CCNT2: variants seen among roughly 807,000 people sequenced by gnomAD.
CCNT2 encodes the protein cyclin-T2.
CCNT2 carries 18 observed loss-of-function variants against 70.0 expected under a neutral mutation model. The ratio of observed to expected loss-of-function variants is 0.26; its 90% confidence interval spans 0.18 to 0.38. The LOEUF (loss-of-function observed/expected upper bound fraction) is 0.38. Among genes scored for constraint, CCNT2 ranks in the 10% least tolerant of loss-of-function variants. The pLI is 1.00. For missense variants in CCNT2, 734 were observed against 890.2 expected (o/e 0.82, Z 2.23); for synonymous variants, 334 against 313.3 (o/e 1.07, Z -0.70).
chr2:134,937,045 A>G, intron 3 of CCNT2, 76 bp downstream of exon 3: 1 of 1,038,960 alleles, frequency 9.6e-7, no homozygotes, highest in South Asian at 1.5e-5. Flanking sequence ...ACAAAAATAC[A>G]CAGTTCAATT....
chr2:134,953,628 A>G lies in CCNT2; in HGVS notation c.1173A>G (p.Ser391=), dbSNP rs746755858. 6.2e-7 allele frequency: 1 copy of G among 1,614,170 alleles called. No individual in the cohort carries two copies. The highest frequency in any genetic ancestry group is 1.1e-5 in the South Asian group (1 of 91,082). Residue 391 remains serine (S), a synonymous_variant, in exon 9 of 9, where the codon TCA becomes TCG. Transcript: ENST00000264157. ...AGGGACCTTCTATATCACTGCATTCAGGATTACATCACAGACCTGACAAAA... is the reference window on the plus strand; with the variant it reads ...AGGGACCTTCTATATCACTGCATTCGGGATTACATCACAGACCTGACAAAA... ...FQQGPSISLH[S]GLHHRPDKIS...
Position 134,953,505 on chromosome 2 carries a change from A to G in CCNT2, c.1050A>G (p.Glu350=), listed in dbSNP as rs749449311. 4 of 1,614,086 alleles carry G rather than the reference A, an allele frequency of 2.5e-6. No homozygotes were observed. The highest frequency in any genetic ancestry group is 1.1e-5 in the South Asian group (1 of 91,090). ...CATACGGTTTATCATCACACCAGGA[A>G]TGGCCTCAACATCAAGACTCAGCAA... ...STSYGLSSHQ[E]WPQHQDSART... is the part of the protein sequence containing the mutation. Residue 350 remains glutamate (E), a synonymous_variant, in exon 9 of 9, where the codon GAA becomes GAG. Transcript: ENST00000264157.
rs759558964 is a variant in CCNT2, at chr2:134,954,339, C to G, written c.1884C>G (p.His628Gln). ...GGCTGCATGTCAATGATGCATCTCA[C>G]AACCACCACTCCAAAATGAGCAAAA... ...RKRLHVNDAS[H>Q]NHHSKMSKSS... The change falls in exon 9 of 9, where the codon CAC becomes CAG. Residue 628 changes from histidine to glutamine, a missense_variant. By Grantham distance (24) the His-to-Gln change is conservative. Coordinates refer to ENST00000264157, the MANE Select transcript of CCNT2 (RefSeq NM_058241.3). 1 of 1,614,078 alleles carries G rather than the reference C, an allele frequency of 6.2e-7. No homozygotes were observed. Among genetic ancestry groups the G allele is most frequent in the South Asian group, 1.1e-5 (1 of 91,088 alleles).
chr2:134,919,041 G>A (rs1257920020), intron 1 of CCNT2, 29 bp downstream of exon 1: 3 of 1,574,120 alleles, frequency 1.9e-6, no homozygotes, highest in South Asian at 2.2e-5. Flanking sequence ...CGCCGCTCAC[G>A]CCCTGTTTCC....
chr2:134,949,314 G>A (rs1682255208), intron 7 of CCNT2, among the ~76,000 whole-genome samples: 1 of 152,180 alleles, frequency 6.6e-6, no homozygotes, highest in Admixed American at 6.5e-5. Context: ...TCTGCAAAGA[G>A]TAACACTATT....
intron 5 of CCNT2, chr2:134,944,978 A>G: frequency 5.1e-6 from 5 of 985,218 alleles, no homozygotes; most frequent in Non-Finnish European, 6.0e-6. Flanking sequence ...CCCTCTGGAG[A>G]TGAGAAAGTT....
At chr2:134,946,458 G>A in intron 6 of CCNT2, 1 of 1,096,884 alleles carries the variant, frequency 9.1e-7, no homozygotes, top group Non-Finnish European at 1.1e-6. Context: ...AGAAATTCGA[G>A]CAACTTGGTA....
chr2:134,943,366 A>G, intron 5 of CCNT2: 1 of 868,892 alleles, frequency 1.2e-6, no homozygotes, highest in African/African-American at 1.8e-5. Flanking sequence ...ATGCCCCTGC[A>G]CTCTACCTTG....
chr2:134,924,114 G>A (rs1680109573), intron 2 of CCNT2, among the ~76,000 whole-genome samples: 1 of 152,130 alleles, frequency 6.6e-6, no homozygotes, highest in African/African-American at 2.4e-5. Context: ...AGACTCAGCT[G>A]AAGTTGCTAC....
intron 5 of CCNT2, chr2:134,943,586 T>C: frequency 1.0e-6 from 1 of 985,200 alleles, no homozygotes; most frequent in Non-Finnish European, 1.2e-6. Flanking sequence ...GCGTCTTGTT[T>C]ATAAACAGGA....
chr2:134,958,686 G>T lies in CCNT2; in HGVS notation c.*4038G>T, dbSNP rs1683053587. On this transcript the variant is annotated 3_prime_UTR_variant, in exon 9 of 9. Transcript: ENST00000264157. ...AAGGTTGCTTTTGTTAGTTTCCCTG[G>T]AGCATCTATTTTTGTAATACATTTT... 1 of 152,146 alleles carries T rather than the reference G, an allele frequency of 6.6e-6. No individual in the cohort carries two copies. The highest frequency in any genetic ancestry group is 1.5e-5 in the Non-Finnish European group (1 of 68,016). 9.4% of individuals were successfully genotyped at this position (152,146 alleles called of 1,614,324 possible).
rs1264841177 is a variant in CCNT2 at position 134,957,109 on chromosome 2, T to A, written c.*2461T>A. On this transcript the variant is annotated 3_prime_UTR_variant, in exon 9 of 9. Transcript: ENST00000264157. ...TGGGGATAAATATGGAAATCCTTTT[T>A]AAGTTGTATTTCCATTAAACAAAAA... 1.3e-5 allele frequency: 2 copies of A among 152,486 alleles called. No homozygotes were observed. Among genetic ancestry groups the A allele is most frequent in the Admixed American group, 1.3e-4 (2 of 15,278 alleles). 9.4% of individuals were successfully genotyped at this position (152,486 alleles called of 1,614,324 possible). A position where few individuals can be genotyped will look rare whatever the true frequency, so the allele number is the denominator to read the frequency against.
At chr2:134,924,881 C>CTTGG (rs1479728349) in intron 2 of CCNT2, among the ~76,000 whole-genome samples, 1 of 152,122 alleles carries the variant, frequency 6.6e-6, no homozygotes, top group Admixed American at 6.6e-5. Flanking sequence ...GTTTCCCCTC[C>CTTGG]ATCTTTTTAT....
At chr2:134,929,693 A>T (rs1308569284) in intron 2 of CCNT2, among the ~76,000 whole-genome samples, 2 of 142,432 alleles carry the variant, frequency 1.4e-5, no homozygotes, top group African/African-American at 5.3e-5. Context: ...TGTGTTACCC[A>T]GGCTGGAGTG....
chr2:134,950,244 C>T (rs1682363768), intron 7 of CCNT2, among the ~76,000 whole-genome samples: 1 of 152,144 alleles, frequency 6.6e-6, no homozygotes, highest in South Asian at 2.1e-4. Context: ...TACCTCATTT[C>T]CATTCTGAAA....
In CCNT2 at chr2:134,923,521, G is replaced by T. The variant is rs576267038; in HGVS notation, c.240+3630G>T. ...ATTAGCATTACTTGGAAATACTGCA[G>T]TGCTGTCCAGTAGAACTTTCTGCAT... is the stretch of plus-strand genomic sequence containing the variant. On this transcript the variant is annotated intron_variant, in intron 2 of 8. Transcript: ENST00000264157. Among the ~76,000 whole-genome samples, 3 of 152,326 alleles carry T rather than the reference G, an allele frequency of 2.0e-5. No individual in the cohort carries two copies. The South Asian group carries it at 6.2e-4, about 32-fold the overall frequency.
chr2:134,947,216 A>G (rs915780976), intron 6 of CCNT2, among the ~76,000 whole-genome samples: 3 of 152,230 alleles, frequency 2.0e-5, no homozygotes, highest in African/African-American at 4.8e-5. Context: ...AAAACAAGGC[A>G]TAGATTTACA....
intron 5 of CCNT2, chr2:134,943,286 A>C (rs1240480037): frequency 2.6e-6 from 1 of 387,446 alleles, no homozygotes; most frequent in Non-Finnish European, 3.5e-6. Flanking sequence ...ATGTAGTCTC[A>C]ACTATTCAGG....
chr2:134,940,504 T>A (rs1681501060), intron 4 of CCNT2, among the ~76,000 whole-genome samples: 1 of 152,184 alleles, frequency 6.6e-6, no homozygotes, highest in African/African-American at 2.4e-5. Flanking sequence ...GTGGCTCTAT[T>A]CGCAGTTAAG....
Sources: allele counts gnomAD v4.1 joint callset (sites outside exome capture counted in the v4.1 genomes callset), GRCh38; gene constraint gnomAD v4.1.1; transcripts MANE v1.5; gene names NCBI Gene and HGNC (gene_info 2026-07-23, HGNC 2026-07-21).